Variants in RAD51B observed in about 807,000 individuals in gnomAD.
RAD51B encodes the protein DNA repair protein RAD51 homolog 2.
In RAD51B, 38 loss-of-function variants were observed where a neutral mutation model predicts 42.2. The observed-to-expected ratio is 0.90, with a 90% CI of 0.70 to 1.18. The LOEUF (loss-of-function observed/expected upper bound fraction) is 1.18, where lower values mean the gene tolerates loss of function less well. RAD51B is among the 50% of genes most tolerant of loss of function. The pLI, the probability that RAD51B is intolerant of heterozygous loss-of-function variation, is 0.00. For synonymous variants in RAD51B, 154 were observed against 145.2 expected, an observed-to-expected ratio of 1.06 and a Z score of -0.43; for missense variants, 373 against 400.7, an observed-to-expected ratio of 0.93 and a Z score of 0.59.
chr14:68,298,676 G>T (rs1020051604), intron 8 of RAD51B, among the ~76,000 whole-genome samples: 12 of 152,244 alleles, frequency 7.9e-5, no homozygotes, highest in African/African-American at 1.7e-4. Context: ...GCCTCAGCTA[G>T]AGAGGTGACG....
chr14:68,471,681 A>G (rs1480902049), intron 10 of RAD51B, among the ~76,000 whole-genome samples: 1 of 134,768 alleles, frequency 7.4e-6, no homozygotes, highest in Middle Eastern at 3.5e-3. Context: ...AAGCGGAACT[A>G]TTCTCCTTTT....
At chr14:68,396,363 T>C (rs2083923176) in intron 8 of RAD51B, among the ~76,000 whole-genome samples, 2 of 152,230 alleles carry the variant, frequency 1.3e-5, no homozygotes, top group African/African-American at 4.8e-5. Flanking sequence ...AGGGCTCTTC[T>C]TAGTCTTTCA....
At chr14:68,114,882 AAGTC>A (rs1409671634) in intron 7 of RAD51B, among the ~76,000 whole-genome samples, 1 of 152,134 alleles carries the variant, frequency 6.6e-6, no homozygotes, top group African/African-American at 2.4e-5. Context: ...TTTTCTTAAA[AAGTC>A]AGGAAACAAC....
At chr14:67,931,146 C>T (rs1171782003) in intron 7 of RAD51B, among the ~76,000 whole-genome samples, 4 of 152,120 alleles carry the variant, frequency 2.6e-5, no homozygotes, top group African/African-American at 7.2e-5. Context: ...TGGTCTCAAT[C>T]GCCTGACCTC....
chr14:68,462,247 C>G (rs1485516969), intron 9 of RAD51B, among the ~76,000 whole-genome samples: 2 of 152,188 alleles, frequency 1.3e-5, no homozygotes, highest in African/African-American at 4.8e-5. Context: ...GAGTGAGGAG[C>G]ACGTAGTGGA....
chr14:67,909,330 A>G (rs2043887574), intron 7 of RAD51B, among the ~76,000 whole-genome samples: 1 of 152,226 alleles, frequency 6.6e-6, no homozygotes, highest in Non-Finnish European at 1.5e-5. Context: ...GACACTGAAG[A>G]GTGGAAAAAT....
intron 9 of RAD51B, among the ~76,000 whole-genome samples, chr14:68,412,950 T>G (rs553905388): frequency 6.6e-6 from 1 of 152,204 alleles, no homozygotes; most frequent in African/African-American, 2.4e-5. Context: ...TGTTGAGTCA[T>G]TCGTTTTCAT....
intron 10 of RAD51B, among the ~76,000 whole-genome samples, chr14:68,519,466 AG>A (rs1886417557): frequency 6.6e-6 from 1 of 152,196 alleles, no homozygotes; most frequent in African/African-American, 2.4e-5. Flanking sequence ...GGCATCTGGA[AG>A]GAACAGCTGG....
chr14:68,301,865 G>A (rs560280255), intron 8 of RAD51B, among the ~76,000 whole-genome samples: 1 of 152,336 alleles, frequency 6.6e-6, no homozygotes, highest in East Asian at 1.9e-4. Context: ...CCAAATTGGT[G>A]GGATTACAGG....
chr14:68,477,925 CATA>C lies in RAD51B; in HGVS notation c.*270_*272del. The C allele has an allele frequency of 7.9e-7, 1 of 1,271,666 alleles. No homozygotes were observed. 78.8% of individuals were successfully genotyped at this position (1,271,666 alleles called of 1,614,324 possible). A position where few individuals can be genotyped will look rare whatever the true frequency, so the allele number is the denominator to read the frequency against. Reference sequence around the variant, plus strand: ...TTTGCCGCCATGGGATGTCAACAGCCATAATAATAATTTGCACTTATATAGCAC... The same window carrying C: ...TTTGCCGCCATGGGATGTCAACAGCCATAATAATTTGCACTTATATAGCAC... On this transcript the variant is annotated 3_prime_UTR_variant, in exon 11 of 11. Coordinates refer to ENST00000471583, the MANE Select transcript of RAD51B (RefSeq NM_133510.4).
In RAD51B at chr14:67,896,851, A is replaced by G. The variant is rs1392367884; in HGVS notation, c.756+9647A>G. 2.6e-5 allele frequency among the ~76,000 whole-genome samples: 4 copies of G among 152,338 alleles called. No homozygotes were observed. In the South Asian group the frequency reaches 6.2e-4, roughly 24 times the overall value. On this transcript the variant is annotated intron_variant, in intron 7 of 10. Transcript: ENST00000471583. The stretch of plus-strand genomic sequence containing the variant: ...AGGGAAAATACTTTCTGATAAGAAA[A>G]TATATTTCAAATAATAAAACAGTAT...
chr14:68,404,854 GC>G (rs1304975226), intron 8 of RAD51B, among the ~76,000 whole-genome samples: 1 of 152,186 alleles, frequency 6.6e-6, no homozygotes, highest in Non-Finnish European at 1.5e-5. Context: ...TGAGTGACAT[GC>G]AGAGCTCAGA....
chr14:68,563,569 T>A (rs1164433698), intron 10 of RAD51B: 1 of 985,374 alleles, frequency 1.0e-6, no homozygotes, highest in African/African-American at 1.7e-5. Flanking sequence ...AGCCATTTCT[T>A]GTGTGCCTTC....
chr14:68,483,036 G>C (rs1883323344), downstream of RAD51B, among the ~76,000 whole-genome samples: 1 of 146,854 alleles, frequency 6.8e-6, no homozygotes, highest in Non-Finnish European at 1.5e-5. Flanking sequence ...AAGGTGGATG[G>C]GGGAGAGAGA....
intron 10 of RAD51B, among the ~76,000 whole-genome samples, chr14:68,542,531 G>A (rs1032782070): frequency 9.9e-5 from 15 of 152,226 alleles, no homozygotes; most frequent in African/African-American, 3.1e-4. Context: ...AAAGCCCCAG[G>A]GGAGTGAGGA....
At chr14:68,071,541 T>TTTATATGA (rs2076739996) in intron 7 of RAD51B, among the ~76,000 whole-genome samples, 1 of 152,224 alleles carries the variant, frequency 6.6e-6, no homozygotes, top group South Asian at 2.1e-4. Flanking sequence ...TTTAGTTCTC[T>TTTATATGA]TTATATGATT....
chr14:68,141,048 G>A (rs771251789), intron 7 of RAD51B, among the ~76,000 whole-genome samples: 13 of 152,206 alleles, frequency 8.5e-5, no homozygotes, highest in Non-Finnish European at 1.5e-4. Flanking sequence ...GCAATAAACC[G>A]GGACTGTCGA....
chr14:68,411,555 T>C lies in RAD51B; in HGVS notation c.957+28T>C, dbSNP rs1426208100. 1.9e-6 allele frequency: 3 copies of C among 1,591,818 alleles called. No individual in the cohort carries two copies. The South Asian group carries it at 3.3e-5, about 18-fold the overall frequency. The stretch of plus-strand genomic sequence containing the variant: ...GGGTGCTTTGACAGTATTCTCTGAC[T>C]ATGAAGGTCGGGGAATGAGATATAC... On this transcript the variant is annotated intron_variant, in intron 9 of 10. Transcript: ENST00000471583.
chr14:68,636,684 T>C (rs1892348009), intron 10 of RAD51B, among the ~76,000 whole-genome samples: 1 of 152,098 alleles, frequency 6.6e-6, no homozygotes, highest in Non-Finnish European at 1.5e-5. Context: ...TTTGTATATG[T>C]GCTTGATGTC....
Sources: gnomAD v4.1 joint callset for allele counts (sites outside exome capture counted in the v4.1 genomes callset) on GRCh38, gnomAD v4.1.1 for gene constraint, MANE v1.5 for transcripts, NCBI Gene and HGNC (gene_info 2026-07-23, HGNC 2026-07-21) for gene names.